Variants in USP34 observed in about 807,000 individuals in gnomAD.
USP34 encodes the protein ubiquitin specific peptidase 34.
Under a neutral mutation model 460.3 loss-of-function variants are expected in USP34, and 70 were observed. The ratio of observed to expected loss-of-function variants is 0.15; its 90% confidence interval spans 0.13 to 0.19. The LOEUF (loss-of-function observed/expected upper bound fraction) is 0.19. Among genes scored for constraint, USP34 ranks in the 10% least tolerant of loss-of-function variants. The probability of loss-of-function intolerance (pLI) is 1.00; values close to 1 mark genes in which losing one functional copy is unlikely to be tolerated. For missense variants in USP34, 3,985 were observed against 4,236.2 expected, an observed-to-expected ratio of 0.94 and a Z score of 1.65; for synonymous variants, 1,647 against 1,405.3, an observed-to-expected ratio of 1.17 and a Z score of -3.85.
intron 71 of USP34, 145 bp downstream of exon 71, chr2:61,206,615 C>G (rs762567999): frequency 2.8e-6 from 3 of 1,066,386 alleles, no homozygotes; most frequent in Non-Finnish European, 3.9e-6. Context: ...TCATGACAAA[C>G]ATTTCCTGAT....
At chr2:61,436,666 A>C (rs974177304) in intron 1 of USP34, among the ~76,000 whole-genome samples, 4 of 152,232 alleles carry the variant, frequency 2.6e-5, no homozygotes, top group African/African-American at 9.6e-5. Flanking sequence ...CATAGTTTTC[A>C]ACTGCATCAT....
chr2:61,374,909 A>C (rs550778497), intron 8 of USP34, among the ~76,000 whole-genome samples: 6 of 152,142 alleles, frequency 3.9e-5, no homozygotes, highest in Non-Finnish European at 8.8e-5. Flanking sequence ...CAGAAAATGC[A>C]ACAAGAATAT....
rs1553371382 is a variant in USP34, at chr2:61,331,387, G to T, written c.2835-16C>A. On this transcript the variant is annotated splice_polypyrimidine_tract_variant and intron_variant, in intron 19 of 79. Coordinates refer to ENST00000398571, the MANE Select transcript of USP34 (RefSeq NM_014709.4). ...TTCTGCCCACCTGGCCCAAATAAAAGAAAAAATAATTTTAAAGTGGGCAGG... is the reference window on the plus strand; with the variant it reads ...TTCTGCCCACCTGGCCCAAATAAAATAAAAAATAATTTTAAAGTGGGCAGG... The T allele has an allele frequency of 1.9e-6, 3 of 1,599,610 alleles. No homozygotes were observed. The highest frequency in any genetic ancestry group is 2.6e-6 in the Non-Finnish European group (3 of 1,173,916).
intron 62 of USP34, among the ~76,000 whole-genome samples, chr2:61,224,000 A>C (rs1687661800): frequency 6.6e-6 from 1 of 152,214 alleles, no homozygotes. Context: ...TTTATCATTT[A>C]ATCCATAAAT....
chr2:61,407,877 G>C (rs1329919318), intron 2 of USP34, among the ~76,000 whole-genome samples: 3 of 152,142 alleles, frequency 2.0e-5, no homozygotes, highest in Admixed American at 2.0e-4. Flanking sequence ...CACTTTGGGA[G>C]GCCGAGGTGC....
At chr2:61,451,114 G>A (rs1241288990) in intron 1 of USP34, among the ~76,000 whole-genome samples, 3 of 148,892 alleles carry the variant, frequency 2.0e-5, no homozygotes, top group South Asian at 2.1e-4. Flanking sequence ...CCAGCTACTC[G>A]GGACGCTGAG....
intron 2 of USP34, among the ~76,000 whole-genome samples, chr2:61,409,924 T>C (rs1336005786): frequency 6.6e-6 from 1 of 152,190 alleles, no homozygotes; most frequent in East Asian, 1.9e-4. Context: ...CAAATATATG[T>C]ATTTTTTAAA....
At chr2:61,357,763 A>G (rs1275071582) in intron 10 of USP34, among the ~76,000 whole-genome samples, 1 of 152,172 alleles carries the variant, frequency 6.6e-6, no homozygotes, top group Non-Finnish European at 1.5e-5. Context: ...ATTAGCCAGG[A>G]GTGGTGGCAC....
At chr2:61,218,198 C>T (rs6545847) in intron 67 of USP34, among the ~76,000 whole-genome samples, 54,794 of 148,754 alleles carry the variant, frequency 0.37, 10,064 homozygotes, top group African/African-American at 0.39. Context: ...GGTCAGGGGT[C>T]AAGACATGAA....
chr2:61,289,743 T>C (rs1217296095), intron 33 of USP34, among the ~76,000 whole-genome samples: 5 of 152,086 alleles, frequency 3.3e-5, no homozygotes, highest in Admixed American at 3.3e-4. Context: ...AATAGCCGTA[T>C]GAAGAAGGAA....
At chr2:61,409,070 A>G (rs1178435221) in intron 2 of USP34, among the ~76,000 whole-genome samples, 1 of 151,386 alleles carries the variant, frequency 6.6e-6, no homozygotes, top group Non-Finnish European at 1.5e-5. Context: ...AAATACAAAA[A>G]TTAGCTGGGC....
chr2:61,262,130 T>TATAGATAG (rs59881307), intron 43 of USP34, among the ~76,000 whole-genome samples: 2 of 113,712 alleles, frequency 1.8e-5, no homozygotes, highest in African/African-American at 3.4e-5. Flanking sequence ...TATATATATA[T>TATAGATAG]ATAGATAGAT....
At chr2:61,333,425 T>C (rs966770465) in intron 19 of USP34, among the ~76,000 whole-genome samples, 1 of 152,076 alleles carries the variant, frequency 6.6e-6, no homozygotes, top group Non-Finnish European at 1.5e-5. Flanking sequence ...GCTCCAAAAA[T>C]GTTGGATTAT....
intron 16 of USP34, among the ~76,000 whole-genome samples, chr2:61,343,202 C>G (rs1691659734): frequency 6.6e-6 from 1 of 152,160 alleles, no homozygotes; most frequent in Non-Finnish European, 1.5e-5. Context: ...TTTAAACTGC[C>G]AATTCTAAAA....
At chr2:61,340,324 G>A (rs1391162742) in intron 16 of USP34, among the ~76,000 whole-genome samples, 1 of 152,124 alleles carries the variant, frequency 6.6e-6, no homozygotes, top group Non-Finnish European at 1.5e-5. Context: ...AGGACATTTG[G>A]ATAGTTTCTA....
chr2:61,206,890 C>A lies in USP34; in HGVS notation c.8920-4G>T. Reference sequence around the variant, plus strand: ...TCATGTGCAAAGTGTTGAAAGACTACAAATGATTTGAAAAAATTGAAAACT... The same window carrying A: ...TCATGTGCAAAGTGTTGAAAGACTAAAAATGATTTGAAAAAATTGAAAACT... On this transcript the variant is annotated splice_region_variant and splice_polypyrimidine_tract_variant and intron_variant, in intron 70 of 79. Transcript: ENST00000398571. The A allele has an allele frequency of 6.2e-7, 1 of 1,605,272 alleles. No homozygotes were observed. The highest frequency in any genetic ancestry group is 8.5e-7 in the Non-Finnish European group (1 of 1,177,406).
intron 69 of USP34, 118 bp downstream of exon 69, chr2:61,211,653 TC>T: frequency 9.0e-7 from 1 of 1,115,468 alleles, no homozygotes; most frequent in Non-Finnish European, 1.2e-6. Context: ...TTCAAAATGT[TC>T]CAAAGTGGCT....
In USP34 at chr2:61,222,672, G is replaced by GA. The variant is rs1427232060; in HGVS notation, c.7750-10dup. ...AAAAGCATAGATACAATCTAAAACA[G>GA]AAAGAGGAGGATTTCAGGATATTCT... On this transcript the variant is annotated splice_polypyrimidine_tract_variant and intron_variant, in intron 64 of 79. Transcript: ENST00000398571. The GA allele has an allele frequency of 2.5e-6, 4 of 1,609,742 alleles. No homozygotes were observed. Among genetic ancestry groups the GA allele is most frequent in the Non-Finnish European group, 3.4e-6 (4 of 1,177,998 alleles).
At chr2:61,339,826 TTTG>T in intron 16 of USP34, 145 bp from the exon 17 acceptor site, 1 of 452,380 alleles carries the variant, frequency 2.2e-6, no homozygotes, top group Non-Finnish European at 3.7e-6. Context: ...AATATTTTGT[TTTG>T]TTTTGTTTTT....
Sources: allele counts gnomAD v4.1 joint callset (sites outside exome capture counted in the v4.1 genomes callset), GRCh38; gene constraint gnomAD v4.1.1; transcripts MANE v1.5; gene names NCBI Gene and HGNC (gene_info 2026-07-23, HGNC 2026-07-21).